Variants in NRXN3 observed in about 807,000 individuals in gnomAD.
The protein encoded by NRXN3 is neurexin 3, also known as neurexin III.
Under a neutral mutation model 137.6 loss-of-function variants are expected in NRXN3, and 32 were observed. That is an observed-to-expected ratio of 0.23 (90% CI 0.18 to 0.31). The LOEUF is 0.31. Ranked by LOEUF, NRXN3 falls within the 10% of genes least tolerant of loss-of-function variation. The pLI is 1.00. For missense variants in NRXN3, 1,574 were observed against 2,062.5 expected (o/e 0.76, Z 4.59); for synonymous variants, 798 against 784.5 (o/e 1.02, Z -0.29).
chr14:78,317,390 T>C (rs551194071), intron 4 of NRXN3, among the ~76,000 whole-genome samples: 1 of 152,274 alleles, frequency 6.6e-6, no homozygotes, highest in Non-Finnish European at 1.5e-5. Flanking sequence ...CATTAGATTC[T>C]CATAGGAGTG....
At chr14:78,664,428 GACAT>G (rs984146664) in intron 6 of NRXN3, among the ~76,000 whole-genome samples, 10 of 152,238 alleles carry the variant, frequency 6.6e-5, no homozygotes, top group African/African-American at 2.4e-4. Context: ...TTCAGCTAGA[GACAT>G]ACTCAAAATC....
At chr14:78,246,550 G>T (rs924284065) in intron 2 of NRXN3, among the ~76,000 whole-genome samples, 4 of 152,132 alleles carry the variant, frequency 2.6e-5, no homozygotes, top group Non-Finnish European at 4.4e-5. Context: ...CAAAGGTTGA[G>T]GTGAGAGAGG....
intron 4 of NRXN3, among the ~76,000 whole-genome samples, chr14:78,344,988 A>C (rs2082550609): frequency 6.6e-6 from 1 of 152,182 alleles, no homozygotes; most frequent in Non-Finnish European, 1.5e-5. Context: ...GAATAAACCA[A>C]GTGAGAGCCT....
intron 15 of NRXN3, among the ~76,000 whole-genome samples, chr14:79,243,052 G>A (rs1187766999): frequency 6.6e-6 from 1 of 152,096 alleles, no homozygotes; most frequent in African/African-American, 2.4e-5. Flanking sequence ...CCACCTAGAA[G>A]TTTAAGCATT....
chr14:78,246,907 G>A (rs990255750), intron 2 of NRXN3, among the ~76,000 whole-genome samples: 1 of 152,182 alleles, frequency 6.6e-6, no homozygotes, highest in African/African-American at 2.4e-5. Context: ...TGAGACCAGG[G>A]GGCTTATTCC....
chr14:78,235,302 C>T (rs1477507744), intron 1 of NRXN3, among the ~76,000 whole-genome samples: 1 of 151,966 alleles, frequency 6.6e-6, no homozygotes, highest in African/African-American at 2.4e-5. Flanking sequence ...GATTATTTGG[C>T]TCTCTCCATC....
At chr14:78,269,072 C>T (rs2072282884) in intron 2 of NRXN3, among the ~76,000 whole-genome samples, 1 of 152,170 alleles carries the variant, frequency 6.6e-6, no homozygotes, top group African/African-American at 2.4e-5. Flanking sequence ...CTCATTCAAA[C>T]CTCACAGCAA....
At chr14:78,859,823 G>T (rs1268909873) in intron 10 of NRXN3, among the ~76,000 whole-genome samples, 1 of 152,118 alleles carries the variant, frequency 6.6e-6, no homozygotes. Context: ...TGTAAACAGT[G>T]TGGAAGTAGT....
At chr14:79,779,562 G>T (rs1244774399) in intron 19 of NRXN3, among the ~76,000 whole-genome samples, 2 of 152,100 alleles carry the variant, frequency 1.3e-5, no homozygotes, top group Admixed American at 6.6e-5. Flanking sequence ...CCTAGTCTCT[G>T]CAGCCACATC....
At chr14:78,979,478 T>C (rs1399673883) in intron 14 of NRXN3, among the ~76,000 whole-genome samples, 1 of 152,150 alleles carries the variant, frequency 6.6e-6, no homozygotes, top group Non-Finnish European at 1.5e-5. Context: ...TCATCTTTTT[T>C]CTGTACTTTT....
At chr14:78,970,766 T>C (rs1394974126) in intron 14 of NRXN3, among the ~76,000 whole-genome samples, 1 of 152,196 alleles carries the variant, frequency 6.6e-6, no homozygotes, top group African/African-American at 2.4e-5. Flanking sequence ...ACTCATCACA[T>C]GCATTACAGA....
At chr14:78,375,412 G>T (rs2087639610) in intron 4 of NRXN3, among the ~76,000 whole-genome samples, 1 of 152,092 alleles carries the variant, frequency 6.6e-6, no homozygotes, top group Admixed American at 6.5e-5. Flanking sequence ...CAGTTGTTTG[G>T]CAATTCCATG....
intron 15 of NRXN3, among the ~76,000 whole-genome samples, chr14:79,150,708 T>TAAA (rs3035607): frequency 6.8e-6 from 1 of 146,650 alleles, no homozygotes; most frequent in Non-Finnish European, 1.5e-5. Flanking sequence ...ATTAGATAAA[T>TAAA]AAAAAAAAAA....
intron 6 of NRXN3, among the ~76,000 whole-genome samples, chr14:78,700,682 TA>T (rs1229561306): frequency 1.3e-5 from 2 of 152,218 alleles, no homozygotes; most frequent in Non-Finnish European, 2.9e-5. Context: ...GTGAAAATGA[TA>T]AAGCTTGAAA....
At position 78,243,475 on chromosome 14, in the gene NRXN3, G is replaced by A. The variant is rs1273266491; in HGVS notation, c.382G>A (p.Glu128Lys). 1.1e-5 allele frequency: 17 copies of A among 1,586,372 alleles called. No homozygotes were observed. The highest frequency in any genetic ancestry group is 4.5e-5 in the East Asian group (2 of 44,454). Residue 128 changes from glutamate (E) to lysine (K), a missense_variant, in exon 2 of 21, where the codon GAG (glutamate) becomes AAG (lysine). Glu to Lys is a moderately conservative substitution (Grantham distance 56, BLOSUM62 1). This residue lies in a region of NRXN3 where 400 missense variants were observed against 527.3 expected (regional missense o/e 0.76). Transcript: ENST00000335750. This position sits in a 1 kb window ranked among gnomAD's most constrained non-coding sequence, Gnocchi z 4.2. ...GCGCACGGTGCTGATGCTTGATGGC[G>A]AGGGCCAGTCTGGGGAGCTGCAGCC... ...RLRTVLMLDG[E>K]GQSGELQPQR... is the part of the protein sequence containing the mutation.
chr14:79,377,212 A>C (rs929070810), intron 15 of NRXN3, among the ~76,000 whole-genome samples: 1 of 152,212 alleles, frequency 6.6e-6, no homozygotes, highest in Non-Finnish European at 1.5e-5. Context: ...TGCTAAGTTT[A>C]GTATTCTGGT....
chr14:79,544,177 C>T (rs997902234), intron 16 of NRXN3, among the ~76,000 whole-genome samples: 3 of 152,202 alleles, frequency 2.0e-5, no homozygotes, highest in African/African-American at 7.2e-5. Flanking sequence ...GCTGAGCTTT[C>T]GATTCTGTCA....
At chr14:78,211,732 T>G (rs1449469235) in intron 1 of NRXN3, among the ~76,000 whole-genome samples, 1 of 152,230 alleles carries the variant, frequency 6.6e-6, no homozygotes, top group Non-Finnish European at 1.5e-5. Flanking sequence ...TGACATTTGT[T>G]TATTTTAATT....
intron 4 of NRXN3, among the ~76,000 whole-genome samples, chr14:78,464,270 G>A (rs911687219): frequency 2.0e-5 from 3 of 152,102 alleles, no homozygotes; most frequent in African/African-American, 7.2e-5. Flanking sequence ...TGGCCAGACT[G>A]GTCTCAAACT....
Sources: allele counts gnomAD v4.1 joint callset (sites outside exome capture counted in the v4.1 genomes callset), GRCh38; gene constraint gnomAD v4.1.1; regional missense constraint gnomAD v4.1.1; non-coding constraint Gnocchi (gnomAD v3.1); transcripts MANE v1.5; gene names NCBI Gene and HGNC (gene_info 2026-07-23, HGNC 2026-07-21).